Variants in ZNF609 observed in about 807,000 individuals in gnomAD.
ZNF609 encodes zinc finger protein 609.
In ZNF609, 11 loss-of-function variants were observed where a neutral mutation model predicts 109.5. The ratio of observed to expected loss-of-function variants is 0.10; its 90% CI spans 0.06 to 0.17. The LOEUF (loss-of-function observed/expected upper bound fraction) is 0.17, where lower values mean the gene tolerates loss of function less well. Among genes scored for constraint, ZNF609 ranks in the 10% least tolerant of loss-of-function variants. The pLI is 1.00. For missense variants in ZNF609, 1,559 were observed against 1,772.4 expected (o/e 0.88, Z 2.16); for synonymous variants, 646 against 662.0 (o/e 0.98, Z 0.37).
intron 3 of ZNF609, among the ~76,000 whole-genome samples, chr15:64,667,024 G>A (rs1896658633): frequency 1.3e-5 from 2 of 152,232 alleles, no homozygotes; most frequent in South Asian, 4.1e-4. Context: ...CAGCTACTCG[G>A]GGGGCTGAGG....
At chr15:64,677,984 AG>A (rs1896830661) in intron 5 of ZNF609, 131 bp from the exon 6 acceptor site, 1 of 1,239,274 alleles carries the variant, frequency 8.1e-7, no homozygotes, top group Admixed American at 2.3e-5. Flanking sequence ...AGATCAGTAG[AG>A]GCCAAAATCC....
rs141373021 is a variant in ZNF609, at chr15:64,674,981, T to G, written c.2127T>G (p.Thr709=). ...PQLKPIQPKP[T]VMGEPFTVNP... ...TCAAGCCCATTCAGCCCAAGCCCACTGTTATGGGAGAACCTTTCACAGTCA... is the reference window on the plus strand; with the variant it reads ...TCAAGCCCATTCAGCCCAAGCCCACGGTTATGGGAGAACCTTTCACAGTCA... Residue 709 remains threonine, a synonymous_variant, in exon 5 of 10, where the codon ACT becomes ACG. Coordinates refer to ENST00000326648, the MANE Select transcript of ZNF609 (RefSeq NM_015042.2). 145 of 1,614,010 alleles carry G rather than the reference T, an allele frequency of 9.0e-5. No homozygotes were observed. The African/African-American group carries it at 1.7e-3, about 19-fold the overall frequency.
At chr15:64,660,841 T>A (rs530061754) in intron 3 of ZNF609, among the ~76,000 whole-genome samples, 19 of 152,344 alleles carry the variant, frequency 1.2e-4, no homozygotes, top group Non-Finnish European at 2.4e-4. Context: ...GAATGTCATC[T>A]TCTTGAGAAG....
At chr15:64,601,371 G>C (rs1397463516) in intron 2 of ZNF609, among the ~76,000 whole-genome samples, 1 of 152,168 alleles carries the variant, frequency 6.6e-6, no homozygotes, top group Non-Finnish European at 1.5e-5. Flanking sequence ...CCATCTTACA[G>C]ATGATGACAC....
At chr15:64,546,713 A>G (rs575592554) in intron 2 of ZNF609, among the ~76,000 whole-genome samples, 35 of 151,344 alleles carry the variant, frequency 2.3e-4, no homozygotes, top group African/African-American at 8.2e-4. Flanking sequence ...GACTCAAGCA[A>G]TCCACCTGCC....
intron 2 of ZNF609, among the ~76,000 whole-genome samples, chr15:64,512,086 G>A (rs1893741861): frequency 6.6e-6 from 1 of 151,900 alleles, no homozygotes; most frequent in Non-Finnish European, 1.5e-5. Context: ...ATGTGAAAAG[G>A]ACTCTCCTTT....
At chr15:64,609,488 T>C (rs925957713) in intron 2 of ZNF609, among the ~76,000 whole-genome samples, 2 of 150,842 alleles carry the variant, frequency 1.3e-5, no homozygotes, top group African/African-American at 2.4e-5. Flanking sequence ...GCCGTATTTT[T>C]TTATAGAGAC....
intron 3 of ZNF609, among the ~76,000 whole-genome samples, chr15:64,644,771 A>G (rs988707636): frequency 4.6e-5 from 7 of 152,200 alleles, no homozygotes; most frequent in South Asian, 2.1e-4. Flanking sequence ...TCTTGATCCA[A>G]TGGGTAGCTT....
At chr15:64,554,134 G>A (rs959079784) in intron 2 of ZNF609, among the ~76,000 whole-genome samples, 1 of 152,114 alleles carries the variant, frequency 6.6e-6, no homozygotes, top group Admixed American at 6.6e-5. Context: ...GCTAAGAGTA[G>A]ACATCCTTAC....
intron 2 of ZNF609, among the ~76,000 whole-genome samples, chr15:64,533,518 C>A (rs1269309300): frequency 2.0e-5 from 3 of 152,154 alleles, no homozygotes; most frequent in Non-Finnish European, 2.9e-5. Flanking sequence ...ATATAGCGTT[C>A]TTAGGTTTGC....
rs566580080 is a variant in ZNF609, at chr15:64,571,347, T to C, written c.748-51480T>C. ...ACATTTATTTACTGTTTGCTAAATATAGTGCTGGCACTTTAAATGTATTAT... is the reference window on the plus strand; with the variant it reads ...ACATTTATTTACTGTTTGCTAAATACAGTGCTGGCACTTTAAATGTATTAT... On this transcript the variant is annotated intron_variant, in intron 2 of 9. Coordinates refer to ENST00000326648, the MANE Select transcript of ZNF609 (RefSeq NM_015042.2). Among the ~76,000 whole-genome samples, 3 of 152,322 alleles carry C rather than the reference T, an allele frequency of 2.0e-5. No individual in the cohort carries two copies. In the South Asian group the frequency reaches 6.2e-4, roughly 32 times the overall value.
intron 2 of ZNF609, among the ~76,000 whole-genome samples, chr15:64,550,346 TTG>T (rs869144878): frequency 3.3e-5 from 5 of 151,978 alleles, no homozygotes; most frequent in Non-Finnish European, 7.4e-5. Flanking sequence ...GTTGTTGTTG[TTG>T]TTAAATTGTG....
chr15:64,627,177 G>A (rs1429106287), intron 3 of ZNF609, among the ~76,000 whole-genome samples: 2 of 151,342 alleles, frequency 1.3e-5, no homozygotes, highest in African/African-American at 4.9e-5. Flanking sequence ...GCGACAGAGA[G>A]TGAGACTCCG....
At chr15:64,573,346 C>CTT (rs71133442) in intron 2 of ZNF609, among the ~76,000 whole-genome samples, 747 of 72,964 alleles carry the variant, frequency 0.01, 216 homozygotes, top group African/African-American at 0.032. Flanking sequence ...GCCCAACTTT[C>CTT]TTTTTTTTTT....
intron 2 of ZNF609, among the ~76,000 whole-genome samples, chr15:64,545,764 G>T (rs1894348793): frequency 6.6e-6 from 1 of 152,154 alleles, no homozygotes; most frequent in Non-Finnish European, 1.5e-5. Flanking sequence ...ATCATACAGT[G>T]AGTACTTTTT....
intron 4 of ZNF609, among the ~76,000 whole-genome samples, chr15:64,673,578 G>A (rs1327983003): frequency 6.6e-6 from 1 of 152,184 alleles, no homozygotes; most frequent in Non-Finnish European, 1.5e-5. Flanking sequence ...TGTTACCTTG[G>A]ACAAGTCATT....
intron 2 of ZNF609, among the ~76,000 whole-genome samples, chr15:64,542,660 G>A (rs1229091891): frequency 6.6e-6 from 1 of 152,120 alleles, no homozygotes; most frequent in Non-Finnish European, 1.5e-5. Context: ...AAATGCTGAG[G>A]CTGAAACAGA....
chr15:64,510,836 C>T (rs1035131795), intron 2 of ZNF609, among the ~76,000 whole-genome samples: 5 of 152,118 alleles, frequency 3.3e-5, no homozygotes, highest in Admixed American at 1.3e-4. Flanking sequence ...TGCTGGGTTA[C>T]AGCCCTAGTG....
intron 3 of ZNF609, among the ~76,000 whole-genome samples, chr15:64,637,282 A>G (rs981113417): frequency 1.3e-5 from 2 of 152,278 alleles, no homozygotes; most frequent in South Asian, 4.1e-4. Context: ...ACTGCTACTT[A>G]TTCAGTTGTT....
Sources: gnomAD v4.1 joint callset for allele counts (sites outside exome capture counted in the v4.1 genomes callset) on GRCh38, gnomAD v4.1.1 for gene constraint, MANE v1.5 for transcripts, NCBI Gene and HGNC (gene_info 2026-07-23, HGNC 2026-07-21) for gene names.